STARD13: variants seen among roughly 807,000 people sequenced by gnomAD.
STARD13 encodes stAR-related lipid transfer protein 13.
In STARD13, 62 loss-of-function variants were observed where a neutral mutation model predicts 106.4. The observed-to-expected ratio is 0.58, with a 90% CI of 0.48 to 0.72. The LOEUF is 0.72. STARD13 is among the 30% of genes least tolerant of loss of function. The pLI, the probability that STARD13 is intolerant of heterozygous loss-of-function variation, is 0.00. For synonymous variants in STARD13, 565 were observed against 553.0 expected, an observed-to-expected ratio of 1.02 and a Z score of -0.31; for missense variants, 1,387 against 1,424.0, an observed-to-expected ratio of 0.97 and a Z score of 0.42.
At chr13:33,315,562 T>C (rs997782652) in intron 1 of STARD13, among the ~76,000 whole-genome samples, 2 of 152,194 alleles carry the variant, frequency 1.3e-5, no homozygotes, top group African/African-American at 4.8e-5. Context: ...AGAAACTCTT[T>C]GTGAGGCCTT....
intron 3 of STARD13, among the ~76,000 whole-genome samples, chr13:33,151,334 A>G (rs909046228): frequency 4.6e-5 from 7 of 152,224 alleles, no homozygotes; most frequent in African/African-American, 1.7e-4. Flanking sequence ...GTAAGGCCTC[A>G]GGAATCTTAC....
At chr13:33,146,188 G>A (rs1880512003) in intron 3 of STARD13, among the ~76,000 whole-genome samples, 1 of 152,194 alleles carries the variant, frequency 6.6e-6, no homozygotes, top group Non-Finnish European at 1.5e-5. Flanking sequence ...GCCAGGCGTG[G>A]TGGCACATGC....
At chr13:33,284,670 T>G (rs191590579) in intron 1 of STARD13, among the ~76,000 whole-genome samples, 1 of 152,156 alleles carries the variant, frequency 6.6e-6, no homozygotes, top group African/African-American at 2.4e-5. Flanking sequence ...AGGGGCTTCT[T>G]AGGAATGTTC....
intron 6 of STARD13, 64 bp downstream of exon 6, chr13:33,127,309 C>A: frequency 6.8e-7 from 1 of 1,470,240 alleles, no homozygotes; most frequent in South Asian, 1.4e-5. Flanking sequence ...AACATGGAAG[C>A]TTCTGCAATC....
chr13:33,285,752 T>C lies in STARD13; in HGVS notation c.-114A>G. ...AGGACAGCTCAACAGACCCAGCGATTTTTAAAAAGAAAGAGGAGTGCCAAA... is the reference window on the plus strand; with the variant it reads ...AGGACAGCTCAACAGACCCAGCGATCTTTAAAAAGAAAGAGGAGTGCCAAA... On this transcript the variant is annotated 5_prime_UTR_variant, in exon 1 of 14. Transcript: ENST00000336934. 6.7e-7 allele frequency: 1 copy of C among 1,490,794 alleles called. No individual in the cohort carries two copies. The highest frequency in any genetic ancestry group is 8.9e-7 in the Non-Finnish European group (1 of 1,126,558). 92.3% of individuals were successfully genotyped at this position (1,490,794 alleles called of 1,614,324 possible). A position where few individuals can be genotyped will look rare whatever the true frequency, so the allele number is the denominator to read the frequency against.
intron 1 of STARD13, among the ~76,000 whole-genome samples, chr13:33,230,916 TGTGAA>T (rs1389188567): frequency 6.6e-6 from 1 of 152,216 alleles, no homozygotes; most frequent in Non-Finnish European, 1.5e-5. Context: ...CTCTAATACC[TGTGAA>T]GTGCCAAGAT....
chr13:33,613,869 T>C, the STARD13 span, among the ~76,000 whole-genome samples: 1 of 152,118 alleles, frequency 6.6e-6, no homozygotes, highest in African/African-American at 2.4e-5. Context: ...CAGGTCCTTT[T>C]AGGGCTAAAA....
chr13:33,186,489 C>G (rs1456274548), intron 1 of STARD13, among the ~76,000 whole-genome samples: 1 of 152,178 alleles, frequency 6.6e-6, no homozygotes, highest in African/African-American at 2.4e-5. Flanking sequence ...AGTTTTAAAA[C>G]ATTCCACAGT....
chr13:33,661,777 T>C, the STARD13 span, among the ~76,000 whole-genome samples: 1 of 151,932 alleles, frequency 6.6e-6, no homozygotes, highest in Non-Finnish European at 1.5e-5. Flanking sequence ...TTGTTACAAT[T>C]CAAGGTGAGA....
the STARD13 span, among the ~76,000 whole-genome samples, chr13:33,444,331 GA>G: frequency 3.9e-5 from 6 of 152,124 alleles, no homozygotes; most frequent in African/African-American, 1.2e-4. Flanking sequence ...ATAACTATTA[GA>G]ATTATCTCAT....
chr13:33,318,872 C>T (rs1027894112), intron 1 of STARD13, among the ~76,000 whole-genome samples: 1 of 152,056 alleles, frequency 6.6e-6, no homozygotes, highest in African/African-American at 2.4e-5. Flanking sequence ...TTCACAATGA[C>T]TAGGATAATT....
At chr13:33,193,667 C>A (rs1167342498) in intron 1 of STARD13, among the ~76,000 whole-genome samples, 5 of 152,174 alleles carry the variant, frequency 3.3e-5, no homozygotes, top group African/African-American at 1.2e-4. Flanking sequence ...CACCTTTCCT[C>A]AAAGCCATGC....
At chr13:33,552,349 C>T in the STARD13 span, among the ~76,000 whole-genome samples, 1 of 152,194 alleles carries the variant, frequency 6.6e-6, no homozygotes, top group African/African-American at 2.4e-5. Flanking sequence ...CTCACAAGCA[C>T]ACACAGACTG....
At chr13:33,219,813 CA>C (rs71196513) in intron 1 of STARD13, among the ~76,000 whole-genome samples, 4 of 116,706 alleles carry the variant, frequency 3.4e-5, no homozygotes, top group Non-Finnish European at 5.2e-5. Flanking sequence ...TAAAAACAAA[CA>C]AAAAAAAAAA....
At chr13:33,185,380 A>AT (rs1206138467) in intron 1 of STARD13, among the ~76,000 whole-genome samples, 1 of 152,200 alleles carries the variant, frequency 6.6e-6, no homozygotes, top group Non-Finnish European at 1.5e-5. Flanking sequence ...CAATTTATGC[A>AT]TTTTTTTAGG....
intron 2 of STARD13, among the ~76,000 whole-genome samples, chr13:33,166,824 G>A: frequency 6.6e-6 from 1 of 151,838 alleles, no homozygotes; most frequent in Non-Finnish European, 1.5e-5. Context: ...GTGAAACCCT[G>A]TCTCTACTAA....
chr13:33,179,104 T>C (rs917612391), intron 1 of STARD13, among the ~76,000 whole-genome samples: 1 of 152,246 alleles, frequency 6.6e-6, no homozygotes, highest in African/African-American at 2.4e-5. Flanking sequence ...GGAATAAAGC[T>C]CAAGTTTCTA....
At chr13:33,137,880 G>A (rs147540020) in intron 4 of STARD13, among the ~76,000 whole-genome samples, 1 of 146,524 alleles carries the variant, frequency 6.8e-6, no homozygotes, top group East Asian at 2.2e-4. Flanking sequence ...GCCAGGAGGT[G>A]TCTCATTTGG....
rs150167709 is a variant in STARD13 at position 33,110,814 on chromosome 13, C to G, written c.2701G>C (p.Glu901Gln). 6.2e-7 allele frequency: 1 copy of G among 1,614,204 alleles called. No homozygotes were observed. The highest frequency in any genetic ancestry group is 8.5e-7 in the Non-Finnish European group (1 of 1,180,040). ...TAAGTGTGGAAAGTTGCCCCACTCT[C>G]CTCCAGCTGTGTCCCCAATTCTTCC... Reference protein sequence around the residue: ...TLEELGTQLEESGATFHTYLN... With the variant: ...TLEELGTQLEQSGATFHTYLN... The change falls in exon 11 of 14, where the codon GAG (glutamate) becomes CAG (glutamine). Residue 901 changes from glutamate to glutamine, a missense_variant. Transcript: ENST00000336934.
Sources: allele counts gnomAD v4.1 joint callset (sites outside exome capture counted in the v4.1 genomes callset), GRCh38; gene constraint gnomAD v4.1.1; transcripts MANE v1.5; gene names NCBI Gene and HGNC (gene_info 2026-07-23, HGNC 2026-07-21).